The following ABHD12 variants were observed in gnomAD, a reference collection of about 807,000 sequenced individuals.
ABHD12 encodes lysophosphatidylserine lipase ABHD12.
ABHD12 carries 43 observed loss-of-function variants against 58.3 expected under a neutral mutation model. The observed-to-expected ratio is 0.74, with a 90% CI of 0.58 to 0.95. ABHD12 has a LOEUF of 0.95. ABHD12 is among the 40% of genes least tolerant of loss of function. The pLI is 0.00. For synonymous variants in ABHD12, 219 were observed against 211.2 expected (o/e 1.04, Z -0.32); for missense variants, 539 against 537.2 (o/e 1.00, Z -0.03).
chr20:25,387,918 G>T (rs1005087005), intron 1 of ABHD12, among the ~76,000 whole-genome samples: 1 of 151,626 alleles, frequency 6.6e-6, no homozygotes, highest in African/African-American at 2.4e-5. Context: ...ACGGGCGCCT[G>T]TAATCCCAGC....
chr20:25,350,860 G>C (rs2089588190), intron 1 of ABHD12, among the ~76,000 whole-genome samples: 1 of 151,862 alleles, frequency 6.6e-6, no homozygotes, highest in African/African-American at 2.4e-5. Context: ...CCTGCTCTGG[G>C]AAGATCTCCA....
At chr20:25,378,674 A>G (rs945714796) in intron 1 of ABHD12, among the ~76,000 whole-genome samples, 1 of 150,664 alleles carries the variant, frequency 6.6e-6, no homozygotes, top group African/African-American at 2.4e-5. Flanking sequence ...CACCAGCCTG[A>G]TAAGAACTGA....
rs1402781782 is a variant in ABHD12, at chr20:25,342,184, G to A, written c.192-2833C>T. On this transcript the variant is annotated intron_variant, in intron 1 of 12. Coordinates refer to ENST00000339157, the MANE Select transcript of ABHD12 (RefSeq NM_001042472.3). ...AGAAACAACCCAAATGGCCATCAAT[G>A]AGTGAATGGATAAACAAACCATGGT... Among the ~76,000 whole-genome samples, 5 of 149,590 alleles carry A rather than the reference G, an allele frequency of 3.3e-5. No homozygotes were observed. The East Asian group carries it at 7.8e-4, about 23-fold the overall frequency.
At chr20:25,297,202 G>A (rs1478006312), downstream of ABHD12, 2 of 152,568 alleles carry the variant, frequency 1.3e-5, no homozygotes, top group Middle Eastern at 3.4e-3. Context: ...GGACACTGGA[G>A]TGGGTGCTTG....
intron 1 of ABHD12, 107 bp downstream of exon 1, chr20:25,390,406 C>A: frequency 1.8e-6 from 2 of 1,130,450 alleles, no homozygotes; most frequent in Non-Finnish European, 2.3e-6. Context: ...ATCGGGCGGA[C>A]GGCCACTCTG....
At chr20:25,301,882 G>A (rs1413096125) in intron 12 of ABHD12, among the ~76,000 whole-genome samples, 1 of 152,248 alleles carries the variant, frequency 6.6e-6, no homozygotes, top group African/African-American at 2.4e-5. Context: ...TGAGAGGTGT[G>A]TGGAAGAGAT....
intron 2 of ABHD12, among the ~76,000 whole-genome samples, chr20:25,332,321 C>G (rs2089291197): frequency 6.6e-6 from 1 of 151,794 alleles, no homozygotes; most frequent in Non-Finnish European, 1.5e-5. Flanking sequence ...CCTGAGTGAC[C>G]TACAAAGAGA....
chr20:25,303,349 G>T (rs1323179583), intron 11 of ABHD12: 2 of 1,475,240 alleles, frequency 1.4e-6, no homozygotes, highest in East Asian at 5.2e-5. Flanking sequence ...CTTTACACCA[G>T]ACCTCCCATG....
intron 2 of ABHD12, among the ~76,000 whole-genome samples, chr20:25,330,350 C>CT (rs1416111141): frequency 7.2e-5 from 11 of 152,352 alleles, no homozygotes; most frequent in African/African-American, 2.4e-4. Context: ...GCACAGCAGT[C>CT]TGAGATCAAA....
chr20:25,334,192 C>T (rs2089324422), intron 2 of ABHD12, among the ~76,000 whole-genome samples: 1 of 151,122 alleles, frequency 6.6e-6, no homozygotes, highest in African/African-American at 2.5e-5. Context: ...CATGAGTGAA[C>T]TCCCATTCAC....
intron 6 of ABHD12, 128 bp downstream of exon 6, chr20:25,314,797 A>C (rs1301017034): frequency 9.5e-7 from 1 of 1,048,314 alleles, no homozygotes; most frequent in Non-Finnish European, 1.5e-6. Context: ...AGGACCCAGG[A>C]CACCATCACA....
rs746219404 is a variant in ABHD12 at position 25,317,046 on chromosome 20, A to G, written c.573+2T>C. On this transcript the variant is annotated splice_donor_variant, in intron 5 of 12. Coordinates refer to ENST00000339157, the MANE Select transcript of ABHD12 (RefSeq NM_001042472.3). LOFTEE classifies it high-confidence loss of function. ...ACAGGTGTGGGTGCTGCCTGCACTC[A>G]CCTTGTAAAGCTCCACGCGGTGGTC... is the stretch of plus-strand genomic sequence containing the variant. 6.2e-7 allele frequency: 1 copy of G among 1,612,884 alleles called. No individual in the cohort carries two copies. Among genetic ancestry groups the G allele is most frequent in the Non-Finnish European group, 8.5e-7 (1 of 1,179,534 alleles).
At chr20:25,369,036 C>A (rs1383266878) in intron 1 of ABHD12, among the ~76,000 whole-genome samples, 4 of 152,020 alleles carry the variant, frequency 2.6e-5, no homozygotes, top group Non-Finnish European at 5.9e-5. Context: ...AGTGGGAAGA[C>A]CGCTTGAGCC....
intron 2 of ABHD12, 104 bp downstream of exon 2, chr20:25,339,123 A>C (rs756975898): frequency 6.5e-7 from 1 of 1,536,058 alleles, no homozygotes; most frequent in Non-Finnish European, 8.9e-7. Flanking sequence ...ACTGTATGTA[A>C]ACTAAATCTC....
At chr20:25,362,624 AGGG>A (rs2089766587) in intron 1 of ABHD12, among the ~76,000 whole-genome samples, 1 of 12,564 alleles carries the variant, frequency 8.0e-5, no homozygotes, top group Admixed American at 9.0e-4. Flanking sequence ...AGGACAGGGG[AGGG>A]GAGGGGAGGG....
intron 1 of ABHD12, among the ~76,000 whole-genome samples, chr20:25,362,003 G>C (rs751272323): frequency 1.3e-5 from 2 of 151,224 alleles, no homozygotes; most frequent in African/African-American, 4.9e-5. Context: ...ACCCGGGCAC[G>C]GTGGCTCATG....
intron 1 of ABHD12, among the ~76,000 whole-genome samples, chr20:25,385,731 T>TA (rs2090080906): frequency 6.6e-6 from 1 of 152,114 alleles, no homozygotes; most frequent in East Asian, 1.9e-4. Context: ...GCACCAGGCT[T>TA]AGACAGTTTT....
chr20:25,308,179 C>A (rs1350374170), intron 8 of ABHD12, 134 bp from the exon 9 acceptor site: 2 of 778,486 alleles, frequency 2.6e-6, no homozygotes, highest in Admixed American at 2.0e-5. Context: ...CCTCGGCAGG[C>A]CTCAGATAGC....
At chr20:25,345,681 A>T (rs1453036829) in intron 1 of ABHD12, among the ~76,000 whole-genome samples, 1 of 152,236 alleles carries the variant, frequency 6.6e-6, no homozygotes, top group Non-Finnish European at 1.5e-5. Flanking sequence ...ATGGCAAGTA[A>T]GCATATGAAA....
Sources: gnomAD v4.1 joint callset for allele counts (sites outside exome capture counted in the v4.1 genomes callset) on GRCh38, gnomAD v4.1.1 for gene constraint, MANE v1.5 for transcripts, NCBI Gene and HGNC (gene_info 2026-07-23, HGNC 2026-07-21) for gene names.